The following PLCL1 variants were observed in gnomAD, a reference collection of about 807,000 sequenced individuals.
The protein encoded by PLCL1 is phospholipase C like 1 (inactive), also known as inactive phospholipase C-like protein 1.
Under a neutral mutation model 84.4 loss-of-function variants are expected in PLCL1, and 41 were observed. The ratio of observed to expected loss-of-function variants is 0.49; its 90% CI spans 0.38 to 0.63. PLCL1 has a LOEUF of 0.63. Ranked by LOEUF, PLCL1 falls within the 30% of genes least tolerant of loss-of-function variation. The probability of loss-of-function intolerance (pLI) is 0.00; values close to 1 mark genes in which losing one functional copy is unlikely to be tolerated. For missense variants in PLCL1, 1,206 were observed against 1,367.8 expected (o/e 0.88, Z 1.87); for synonymous variants, 490 against 488.3 (o/e 1.00, Z -0.05).
chr2:197,861,122 A>G (rs1198289060), intron 1 of PLCL1, among the ~76,000 whole-genome samples: 1 of 152,170 alleles, frequency 6.6e-6, no homozygotes, highest in Non-Finnish European at 1.5e-5. Context: ...GCCCCTGGGT[A>G]GCTTCAGGAT....
intron 1 of PLCL1, among the ~76,000 whole-genome samples, chr2:198,065,293 T>A (rs982509568): frequency 4.6e-5 from 7 of 152,148 alleles, no homozygotes; most frequent in African/African-American, 1.7e-4. Flanking sequence ...CAATCCAGGA[T>A]GAGTAAGGCT....
At chr2:198,037,872 C>T (rs983879655) in intron 1 of PLCL1, among the ~76,000 whole-genome samples, 32 of 151,996 alleles carry the variant, frequency 2.1e-4, no homozygotes, top group African/African-American at 7.5e-4. Flanking sequence ...GAGGGTAAGA[C>T]AACTATGAAA....
chr2:198,081,593 A>T (rs747564070), intron 1 of PLCL1, among the ~76,000 whole-genome samples: 2 of 152,220 alleles, frequency 1.3e-5, no homozygotes, highest in Non-Finnish European at 2.9e-5. Context: ...CTCTTTGTAA[A>T]TGCAGGAGCT....
At chr2:197,905,616 ATGGGATTGCTGGGTC>A (rs1295924297) in intron 1 of PLCL1, among the ~76,000 whole-genome samples, 1 of 152,238 alleles carries the variant, frequency 6.6e-6, no homozygotes, top group Non-Finnish European at 1.5e-5. Context: ...ATACCCAGTA[ATGGGATTGCTGGGTC>A]AAATGGTATT....
intron 1 of PLCL1, among the ~76,000 whole-genome samples, chr2:198,044,290 C>T (rs955568579): frequency 2.0e-5 from 3 of 152,286 alleles, no homozygotes; most frequent in Admixed American, 1.3e-4. Context: ...CTGAAACCTG[C>T]CATCCATTCA....
At chr2:198,060,400 C>T (rs1325112876) in intron 1 of PLCL1, among the ~76,000 whole-genome samples, 1 of 152,160 alleles carries the variant, frequency 6.6e-6, no homozygotes, top group Non-Finnish European at 1.5e-5. Context: ...TTAGCAAAGA[C>T]ATATAAACTC....
intron 1 of PLCL1, among the ~76,000 whole-genome samples, chr2:197,924,110 T>G (rs1187860044): frequency 2.4e-5 from 3 of 126,788 alleles, no homozygotes; most frequent in Non-Finnish European, 3.2e-5. Flanking sequence ...CAGTCCAGCT[T>G]CGGCTCCGCA....
At position 198,101,167 on chromosome 2, in the gene PLCL1, G is replaced by A. The variant is rs114477924; in HGVS notation, c.2920-118G>A. ...ATCCTTCTCCCTCCCATCTGTTGTG[G>A]TGAGACTATGGCTTACTTTTACTGG... On this transcript the variant is annotated intron_variant, in intron 3 of 5. Transcript: ENST00000428675. 5,331 of 687,602 alleles carry A rather than the reference G, an allele frequency of 7.8e-3. 63 individuals are homozygous for A. Among genetic ancestry groups the A allele is most frequent in the Non-Finnish European group, 7.4e-3 (2,826 of 384,204 alleles). 42.6% of individuals were successfully genotyped at this position (687,602 alleles called of 1,614,324 possible). A position where few individuals can be genotyped will look rare whatever the true frequency, so the allele number is the denominator to read the frequency against.
At chr2:197,982,081 T>A (rs1690117485) in intron 1 of PLCL1, among the ~76,000 whole-genome samples, 1 of 151,838 alleles carries the variant, frequency 6.6e-6, no homozygotes, top group South Asian at 2.1e-4. Flanking sequence ...GTGGGCATTT[T>A]GTATTTAATC....
At chr2:198,012,486 G>C (rs1690891442) in intron 1 of PLCL1, among the ~76,000 whole-genome samples, 1 of 151,908 alleles carries the variant, frequency 6.6e-6, no homozygotes, top group Non-Finnish European at 1.5e-5. Context: ...CACAACATAT[G>C]GTTGGATCTT....
chr2:198,014,537 G>A (rs1368334284), intron 1 of PLCL1, among the ~76,000 whole-genome samples: 1 of 151,982 alleles, frequency 6.6e-6, no homozygotes, highest in Non-Finnish European at 1.5e-5. Flanking sequence ...CTCTCAATAG[G>A]TATTAGACCT....
chr2:198,099,180 C>T (rs552218639), intron 3 of PLCL1, among the ~76,000 whole-genome samples: 10 of 152,230 alleles, frequency 6.6e-5, no homozygotes, highest in African/African-American at 9.6e-5. Flanking sequence ...ATGGCTGAGT[C>T]GTGCTGACTT....
intron 5 of PLCL1, among the ~76,000 whole-genome samples, chr2:198,131,002 G>T (rs1224451113): frequency 1.3e-5 from 2 of 152,076 alleles, no homozygotes; most frequent in Non-Finnish European, 2.9e-5. Flanking sequence ...AACTCATTGT[G>T]GCCTGTCTTC....
intron 1 of PLCL1, among the ~76,000 whole-genome samples, chr2:197,869,042 T>A (rs1269304712): frequency 6.6e-6 from 1 of 152,196 alleles, no homozygotes; most frequent in Non-Finnish European, 1.5e-5. Context: ...TGTTATACGC[T>A]GAGCAATGCA....
At chr2:198,008,130 A>T (rs1247760383) in intron 1 of PLCL1, among the ~76,000 whole-genome samples, 5 of 152,086 alleles carry the variant, frequency 3.3e-5, no homozygotes, top group Non-Finnish European at 5.9e-5. Context: ...AATCACAATG[A>T]ACTCTTCCAA....
chr2:197,926,281 T>C (rs1447560738), intron 1 of PLCL1, among the ~76,000 whole-genome samples: 11 of 152,324 alleles, frequency 7.2e-5, no homozygotes, highest in Admixed American at 3.3e-4. Context: ...TAGTGACACA[T>C]AGACAGAAAA....
chr2:198,122,585 C>A (rs1054977550), intron 5 of PLCL1, among the ~76,000 whole-genome samples: 9 of 151,988 alleles, frequency 5.9e-5, no homozygotes, highest in Non-Finnish European at 8.8e-5. Flanking sequence ...TTGGAATAAT[C>A]CTCTCATCTT....
chr2:198,146,019 C>A (rs1171922346), intron 5 of PLCL1, among the ~76,000 whole-genome samples: 1 of 152,148 alleles, frequency 6.6e-6, no homozygotes, highest in African/African-American at 2.4e-5. Context: ...GGGCCAGTAT[C>A]AGTATACGCA....
At chr2:197,912,497 A>G (rs1243912611) in intron 1 of PLCL1, among the ~76,000 whole-genome samples, 1 of 151,852 alleles carries the variant, frequency 6.6e-6, no homozygotes, top group African/African-American at 2.4e-5. Flanking sequence ...ATGCACACGT[A>G]TGTTTATTGC....
Sources: allele counts gnomAD v4.1 joint callset (sites outside exome capture counted in the v4.1 genomes callset), GRCh38; gene constraint gnomAD v4.1.1; transcripts MANE v1.5; gene names NCBI Gene and HGNC (gene_info 2026-07-23, HGNC 2026-07-21).